EDRF1: variants seen among roughly 807,000 people sequenced by gnomAD.
EDRF1 encodes the protein erythroid differentiation regulatory factor 1, also known as erythroid differentiation-related factor 1.
In EDRF1, 69 loss-of-function variants were observed where a neutral mutation model predicts 148.7. That is an observed-to-expected ratio of 0.46 (90% CI 0.38 to 0.57). EDRF1 has a LOEUF of 0.57. EDRF1 is among the 20% of genes least tolerant of loss of function. The probability of loss-of-function intolerance (pLI) is 0.00; values close to 1 mark genes in which losing one functional copy is unlikely to be tolerated. For synonymous variants in EDRF1, 515 were observed against 532.8 expected (o/e 0.97, Z 0.46); for missense variants, 1,118 against 1,478.7 (o/e 0.76, Z 4.00).
chr10:125,731,633 T>C (rs1323187816), intron 9 of EDRF1, among the ~76,000 whole-genome samples: 1 of 152,090 alleles, frequency 6.6e-6, no homozygotes, highest in South Asian at 2.1e-4. Flanking sequence ...AGGGGAAATT[T>C]GTTGTGTTAG....
chr10:125,763,361 G>A lies in EDRF1; in HGVS notation c.3606G>A (p.Leu1202=). 6.2e-7 allele frequency: 1 copy of A among 1,613,572 alleles called. No homozygotes were observed. The highest frequency in any genetic ancestry group is 8.5e-7 in the Non-Finnish European group (1 of 1,180,020). Residue 1202 remains leucine (L), a synonymous_variant, in exon 25 of 25, where the codon TTG becomes TTA. Coordinates refer to ENST00000356792, the MANE Select transcript of EDRF1 (RefSeq NM_001202438.2). The surrounding 1 kb of genome is among the most constrained non-coding windows in gnomAD (Gnocchi z 4.3). ...ACAAGCACATTTACTCCCAGCTTTT[G>A]AGAGCAACTGCAAATAAAACCGCGA... ...KTNKHIYSQL[L]RATANKTATL... is the part of the protein sequence containing the mutation.
intron 17 of EDRF1, 83 bp from the exon 18 acceptor site, chr10:125,742,975 A>C: frequency 6.4e-7 from 1 of 1,558,596 alleles, no homozygotes. Context: ...TATTACTTAG[A>C]ATTTAGAATC....
intron 22 of EDRF1, 85 bp downstream of exon 22, chr10:125,749,650 A>G: frequency 1.3e-6 from 2 of 1,491,182 alleles, no homozygotes; most frequent in South Asian, 2.3e-5. Context: ...TGTGAATCTA[A>G]ATAATACTAT....
chr10:125,730,297 C>G lies in EDRF1; in HGVS notation c.1026C>G (p.Asn342Lys). ...PAVSLRLRDN[N>K]KPINVLTGID... Reference sequence around the variant, plus strand: ...AAATGTATATTTTTAGGGATAACAACAAACCAATTAATGTGCTAACTGGAA... The same window carrying G: ...AAATGTATATTTTTAGGGATAACAAGAAACCAATTAATGTGCTAACTGGAA... The change falls in exon 9 of 25, where the codon AAC becomes AAG. Residue 342 changes from asparagine (N) to lysine (K), a missense_variant. Coordinates refer to ENST00000356792, the MANE Select transcript of EDRF1 (RefSeq NM_001202438.2). The G allele has an allele frequency of 6.2e-7, 1 of 1,612,680 alleles. No individual in the cohort carries two copies. Among genetic ancestry groups the G allele is most frequent in the Non-Finnish European group, 8.5e-7 (1 of 1,178,720 alleles).
intron 24 of EDRF1, among the ~76,000 whole-genome samples, chr10:125,758,101 T>A (rs1014394845): frequency 2.0e-5 from 3 of 152,358 alleles, no homozygotes; most frequent in Admixed American, 2.0e-4. Flanking sequence ...ATGGATTCCT[T>A]ACTTGGTTTT....
chr10:125,725,298 A>G lies in EDRF1; in HGVS notation c.511-20A>G, dbSNP rs779809549. ...CGACTATGTGTGTTGTATTAATAAT[A>G]TGTATCTCATGTTATCCAGACTGGT... is the stretch of plus-strand genomic sequence containing the variant. On this transcript the variant is annotated intron_variant, in intron 4 of 24. Transcript: ENST00000356792. 18 of 1,613,668 alleles carry G rather than the reference A, an allele frequency of 1.1e-5. No individual in the cohort carries two copies. The highest frequency in any genetic ancestry group is 9.3e-5 in the African/African-American group (7 of 74,930).
At chr10:125,761,982 C>G (rs1349058404) in intron 24 of EDRF1, among the ~76,000 whole-genome samples, 1 of 152,126 alleles carries the variant, frequency 6.6e-6, no homozygotes, top group African/African-American at 2.4e-5. Flanking sequence ...CAATCTTAGG[C>G]CCAGATTACA....
chr10:125,732,627 G>A (rs924085824), intron 9 of EDRF1, among the ~76,000 whole-genome samples: 1 of 152,118 alleles, frequency 6.6e-6, no homozygotes, highest in African/African-American at 2.4e-5. Context: ...CAGGAAAGGA[G>A]CATTTTAAGG....
At chr10:125,743,521 T>G (rs1849143910) in intron 18 of EDRF1, among the ~76,000 whole-genome samples, 1 of 152,176 alleles carries the variant, frequency 6.6e-6, no homozygotes, top group African/African-American at 2.4e-5. Context: ...CAGAAGCAAA[T>G]GGGACATCCA....
chr10:125,739,675 C>G (rs1848915272), intron 15 of EDRF1, among the ~76,000 whole-genome samples: 1 of 152,172 alleles, frequency 6.6e-6, no homozygotes, highest in African/African-American at 2.4e-5. Flanking sequence ...GACTTGTGTT[C>G]TAGCTGATTA....
rs1049192931 is a variant in EDRF1 at position 125,721,246 on chromosome 10, G to A, written c.151G>A (p.Ala51Thr). ...TGGAGGCAATGAAGTGAAGAGCCGA[G>A]CTGTGGTGAAATACTCTTCTGCCCC... Reference protein sequence around the residue: ...FLGGNEVKSRAVVKYSSAPPR... With the variant: ...FLGGNEVKSRTVVKYSSAPPR... Residue 51 changes from alanine (A) to threonine (T), a missense_variant, in exon 2 of 25, where the codon GCT (alanine) becomes ACT (threonine). Physicochemically the swap from Ala to Thr is moderately conservative, Grantham distance 58 (BLOSUM62 0). Transcript: ENST00000356792. The A allele has an allele frequency of 3.1e-6, 5 of 1,614,096 alleles. No individual in the cohort carries two copies. The African/African-American group carries it at 4.0e-5, about 13-fold the overall frequency.
Position 125,745,869 on chromosome 10 carries a change from G to A in EDRF1, c.2753G>A (p.Cys918Tyr), listed in dbSNP as rs764059338. Residue 918 changes from cysteine to tyrosine, a missense_variant, in exon 19 of 25, where the codon TGT (cysteine) becomes TAT (tyrosine). Cys to Tyr is a radical substitution (Grantham distance 194). This residue lies in a region of EDRF1 where 954 missense variants were observed against 1,241.4 expected (regional missense o/e 0.77). Coordinates refer to ENST00000356792, the MANE Select transcript of EDRF1 (RefSeq NM_001202438.2). ...RLMRICAQAH[C>Y]GAGDELKREF... ...ATGCGGATTTGTGCGCAGGCCCACT[G>A]TGGTGCAGGGGATGAACTGAAACGT... is the stretch of plus-strand genomic sequence containing the variant. The A allele has an allele frequency of 4.3e-6, 7 of 1,614,258 alleles. No homozygotes were observed. The Admixed American group carries it at 1.0e-4, about 23-fold the overall frequency.
At position 125,737,924 on chromosome 10, in the gene EDRF1, T is replaced by A; in HGVS notation, c.1765T>A (p.Cys589Ser). 6.2e-7 allele frequency: 1 copy of A among 1,613,906 alleles called. No homozygotes were observed. The highest frequency in any genetic ancestry group is 8.5e-7 in the Non-Finnish European group (1 of 1,179,860). ...YKSIHQIRPS[C>S]AFPVCHDTEE... The stretch of plus-strand genomic sequence containing the variant: ...TTTATGTTTGTTCCTCAAGCCCAGT[T>A]GTGCATTTCCAGTTTGCCATGACAC... Residue 589 changes from cysteine to serine, a missense_variant, in exon 14 of 25, where the codon TGT (cysteine) becomes AGT (serine). Cys to Ser is a moderately radical substitution (Grantham distance 112, BLOSUM62 -1). This residue lies in a region of EDRF1 where 954 missense variants were observed against 1,241.4 expected (regional missense o/e 0.77). Coordinates refer to ENST00000356792, the MANE Select transcript of EDRF1 (RefSeq NM_001202438.2).
chr10:125,731,920 G>C (rs1188705728), intron 9 of EDRF1: 2 of 451,562 alleles, frequency 4.4e-6, no homozygotes, highest in Non-Finnish European at 8.9e-6. Context: ...GGATCAAGGA[G>C]CTCAAGTGAG....
rs1339310799 is a variant in EDRF1 at position 125,763,930 on chromosome 10, G to C, written c.*458G>C. Reference sequence around the variant, plus strand: ...TTCCTTTTAAATTGTCCAGAAAAAAGGTGTGTTCTTCATAAGCTTCAGTGC... The same window carrying C: ...TTCCTTTTAAATTGTCCAGAAAAAACGTGTGTTCTTCATAAGCTTCAGTGC... On this transcript the variant is annotated 3_prime_UTR_variant, in exon 25 of 25. Transcript: ENST00000356792. This position sits in a 1 kb window ranked among gnomAD's most constrained non-coding sequence, Gnocchi z 4.3. 5.6e-6 allele frequency: 1 copy of C among 179,276 alleles called. No homozygotes were observed. The highest frequency in any genetic ancestry group is 2.4e-5 in the African/African-American group (1 of 41,872). The allele number at this position is 179,276 out of a possible 1,614,324, so 11.1% of individuals were successfully genotyped here. A position where few individuals can be genotyped will look rare whatever the true frequency, so the allele number is the denominator to read the frequency against.
At chr10:125,724,767 C>T (rs2133669615) in intron 4 of EDRF1, among the ~76,000 whole-genome samples, 1 of 152,292 alleles carries the variant, frequency 6.6e-6, no homozygotes, top group East Asian at 1.9e-4. Context: ...AAGAACTACC[C>T]TCCATATCTG....
rs553149021 is a variant in EDRF1 at position 125,763,996 on chromosome 10, T to A, written c.*524T>A. On this transcript the variant is annotated 3_prime_UTR_variant, in exon 25 of 25. Coordinates refer to ENST00000356792, the MANE Select transcript of EDRF1 (RefSeq NM_001202438.2). The surrounding 1 kb of genome is among the most constrained non-coding windows in gnomAD (Gnocchi z 4.3). ...CGAGCTGTTGTGCAATTTGCTGTAT[T>A]TAATGCATGTTCTGAAAGGATTCAC... The A allele has an allele frequency of 6.2e-6, 1 of 160,836 alleles. No individual in the cohort carries two copies. The highest frequency in any genetic ancestry group is 1.8e-4 in the East Asian group (1 of 5,628). The allele number at this position is 160,836 out of a possible 1,614,324, so 10.0% of individuals were successfully genotyped here.
At chr10:125,731,033 G>T (rs140234355) in intron 9 of EDRF1, among the ~76,000 whole-genome samples, 1 of 152,144 alleles carries the variant, frequency 6.6e-6, no homozygotes, top group African/African-American at 2.4e-5. Context: ...TGTAGTCCCA[G>T]CTACTTGGGG....
At chr10:125,731,147 A>C (rs915834145) in intron 9 of EDRF1, among the ~76,000 whole-genome samples, 1 of 152,186 alleles carries the variant, frequency 6.6e-6, no homozygotes, top group Non-Finnish European at 1.5e-5. Flanking sequence ...ACCCTGTCTC[A>C]AAAAAATAAA....
Sources: allele counts gnomAD v4.1 joint callset (sites outside exome capture counted in the v4.1 genomes callset), GRCh38; gene constraint gnomAD v4.1.1; regional missense constraint gnomAD v4.1.1; non-coding constraint Gnocchi (gnomAD v3.1); transcripts MANE v1.5; gene names NCBI Gene and HGNC (gene_info 2026-07-23, HGNC 2026-07-21).